The following NEK10 variants were observed in gnomAD, a reference collection of about 807,000 sequenced individuals.
NEK10 encodes the protein serine/threonine-protein kinase Nek10.
NEK10 carries 122 observed loss-of-function variants against 159.8 expected under a neutral mutation model. That is an observed-to-expected ratio of 0.76 (90% CI 0.66 to 0.89). The LOEUF is 0.89. Among genes scored for constraint, NEK10 ranks in the 40% least tolerant of loss-of-function variants. NEK10 has a pLI of 0.00. For missense variants in NEK10, 1,342 were observed against 1,323.1 expected (o/e 1.01, Z -0.22); for synonymous variants, 466 against 457.1 (o/e 1.02, Z -0.25).
At chr3:27,197,465 C>T (rs1350693571) in intron 25 of NEK10, among the ~76,000 whole-genome samples, 5 of 152,248 alleles carry the variant, frequency 3.3e-5, no homozygotes, top group East Asian at 1.9e-4. Flanking sequence ...TGTGAGCCAC[C>T]GCACCTGGCC....
At chr3:27,243,506 A>G (rs6791666) in intron 23 of NEK10, among the ~76,000 whole-genome samples, 1 of 151,972 alleles carries the variant, frequency 6.6e-6, no homozygotes, top group East Asian at 1.9e-4. Flanking sequence ...TCACCTTGCT[A>G]TCTTTTCTCT....
At position 27,369,076 on chromosome 3, in the gene NEK10, C is replaced by T. The variant is rs1295205597; in HGVS notation, c.-38+149G>A. 6.6e-6 allele frequency: 1 copy of T among 152,472 alleles called. No homozygotes were observed. Among genetic ancestry groups the T allele is most frequent in the Non-Finnish European group, 1.5e-5 (1 of 68,152 alleles). 9.4% of individuals were successfully genotyped at this position (152,472 alleles called of 1,614,324 possible). The stretch of plus-strand genomic sequence containing the variant: ...CACGCAGTGACTCACTTACCCACCA[C>T]AGCCGCATTCTCTACCTCTGCCTCT... On this transcript the variant is annotated intron_variant, in intron 1 of 35. Coordinates refer to ENST00000691995, the MANE Select transcript of NEK10 (RefSeq NM_001394966.1). The surrounding 1 kb of genome is among the most constrained non-coding windows in gnomAD (Gnocchi z 4.2).
At chr3:27,131,430 G>T (rs1198550793) in intron 32 of NEK10, among the ~76,000 whole-genome samples, 2 of 152,280 alleles carry the variant, frequency 1.3e-5, no homozygotes, top group Admixed American at 1.3e-4. Context: ...AGGTCTAGAA[G>T]ATTGTAGACT....
intron 15 of NEK10, 56 bp downstream of exon 15, chr3:27,295,557 T>G: frequency 6.6e-7 from 1 of 1,523,540 alleles, no homozygotes; most frequent in Non-Finnish European, 8.8e-7. Context: ...CATTTTACCA[T>G]AGTTACCCAA....
intron 23 of NEK10, among the ~76,000 whole-genome samples, chr3:27,234,977 T>C (rs1321150459): frequency 6.6e-6 from 1 of 152,108 alleles, no homozygotes; most frequent in Non-Finnish European, 1.5e-5. Context: ...TACAACCATC[T>C]GATGTTTAAG....
intron 22 of NEK10, among the ~76,000 whole-genome samples, chr3:27,282,737 C>T (rs1457158766): frequency 7.1e-6 from 1 of 140,942 alleles, no homozygotes; most frequent in Non-Finnish European, 1.5e-5. Context: ...TATATATATA[C>T]ATAACTGTGT....
chr3:27,147,397 G>C (rs944694748), intron 30 of NEK10, among the ~76,000 whole-genome samples: 3 of 152,198 alleles, frequency 2.0e-5, no homozygotes, highest in African/African-American at 7.2e-5. Flanking sequence ...TGTTTGGAAG[G>C]AGCTTGGCAG....
At chr3:27,257,682 G>T (rs1464601582) in intron 22 of NEK10, among the ~76,000 whole-genome samples, 1 of 152,082 alleles carries the variant, frequency 6.6e-6, no homozygotes, top group African/African-American at 2.4e-5. Flanking sequence ...TAAAAGACAG[G>T]ACTCAGGAAC....
rs191872524 is a variant in NEK10, at chr3:27,281,839, A to T, written c.2014+2763T>A. On this transcript the variant is annotated intron_variant, in intron 22 of 35. Coordinates refer to ENST00000691995, the MANE Select transcript of NEK10 (RefSeq NM_001394966.1). ...AAGCAGCTGCAGGAATGAGGAGTCCAGGAAAACAAAAGTGGGAGTACTTAT... is the reference window on the plus strand; with the variant it reads ...AAGCAGCTGCAGGAATGAGGAGTCCTGGAAAACAAAAGTGGGAGTACTTAT... Among the ~76,000 whole-genome samples the T allele has an allele frequency of 1.6e-4, 24 of 152,316 alleles. No homozygotes were observed. In the East Asian group the frequency reaches 3.9e-3, roughly 25 times the overall value.
chr3:27,335,934 T>A (rs2046771951), intron 5 of NEK10, among the ~76,000 whole-genome samples: 1 of 151,966 alleles, frequency 6.6e-6, no homozygotes, highest in South Asian at 2.1e-4. Context: ...AACAATCTAA[T>A]AATACACCTC....
chr3:27,123,188 A>G (rs1033562884), intron 32 of NEK10, among the ~76,000 whole-genome samples: 7 of 152,220 alleles, frequency 4.6e-5, no homozygotes, highest in Non-Finnish European at 8.8e-5. Context: ...GACTAGGACA[A>G]CAGGATAATA....
intron 26 of NEK10, among the ~76,000 whole-genome samples, chr3:27,190,270 T>C (rs1411009323): frequency 5.3e-5 from 8 of 152,142 alleles, no homozygotes; most frequent in Non-Finnish European, 1.2e-4. Context: ...TAGCCTGAAA[T>C]CTATATTTCT....
intron 23 of NEK10, among the ~76,000 whole-genome samples, chr3:27,249,425 AC>A (rs1370850253): frequency 1.3e-5 from 2 of 152,144 alleles, no homozygotes; most frequent in Non-Finnish European, 2.9e-5. Flanking sequence ...ATATATATTT[AC>A]AATTGTTATA....
At chr3:27,285,519 CAAAAA>C (rs5847456) in intron 20 of NEK10, among the ~76,000 whole-genome samples, 404 of 132,106 alleles carry the variant, frequency 3.1e-3, no homozygotes, top group African/African-American at 9.0e-3. Context: ...CTTTCAAAAG[CAAAAA>C]AAAAAAAACA....
chr3:27,231,444 G>A (rs940765279), intron 23 of NEK10, among the ~76,000 whole-genome samples: 1 of 151,412 alleles, frequency 6.6e-6, no homozygotes, highest in African/African-American at 2.4e-5. Context: ...AAAAACTACA[G>A]AAACAGGAAC....
At chr3:27,310,169 T>G (rs1162755435) in intron 9 of NEK10, 4 of 152,242 alleles carry the variant, frequency 2.6e-5, no homozygotes, top group Non-Finnish European at 5.9e-5. Flanking sequence ...CCTCTTTTTC[T>G]TCTCTCTTTC....
intron 32 of NEK10, among the ~76,000 whole-genome samples, chr3:27,129,749 T>A (rs947078625): frequency 6.6e-6 from 1 of 151,918 alleles, no homozygotes; most frequent in Admixed American, 6.6e-5. Context: ...CAAAGATAAA[T>A]AAGACACACC....
chr3:27,229,676 C>A (rs113211685), intron 23 of NEK10, among the ~76,000 whole-genome samples: 3,103 of 151,952 alleles, frequency 0.02, 110 homozygotes, highest in African/African-American at 0.072. Context: ...TAAGGAAAAA[C>A]CAATCAGAAC....
At chr3:27,171,787 A>G (rs766111835) in intron 29 of NEK10, 32 bp downstream of exon 29, 1 of 1,610,216 alleles carries the variant, frequency 6.2e-7, no homozygotes, top group Non-Finnish European at 8.5e-7. Flanking sequence ...GCAAAATCAA[A>G]AAATATTTCT....
Sources: gnomAD v4.1 joint callset for allele counts (sites outside exome capture counted in the v4.1 genomes callset) on GRCh38, gnomAD v4.1.1 for gene constraint, Gnocchi (gnomAD v3.1) non-coding constraint, MANE v1.5 for transcripts, NCBI Gene and HGNC (gene_info 2026-07-23, HGNC 2026-07-21) for gene names.